WWOX: variants seen among roughly 807,000 people sequenced by gnomAD.
WWOX encodes the protein WW domain-containing oxidoreductase.
A neutral mutation model predicts 46.2 loss-of-function variants in WWOX; 69 were observed. The observed-to-expected ratio is 1.49, with a 90% CI of 1.23 to 1.82. The LOEUF is 1.82. Among genes scored for constraint, WWOX ranks in the 40% most tolerant of loss-of-function variants. The pLI, the probability that WWOX is intolerant of heterozygous loss-of-function variation, is 0.00. For synonymous variants in WWOX, 359 were observed against 202.6 expected (o/e 1.77, Z -6.56); for missense variants, 919 against 542.6 (o/e 1.69, Z -6.89).
intron 4 of WWOX, among the ~76,000 whole-genome samples, chr16:78,125,232 C>T (rs372346633): frequency 6.6e-6 from 1 of 152,108 alleles, no homozygotes; most frequent in South Asian, 2.1e-4. Context: ...GTGATAATGT[C>T]GAAAGGAAAG....
At chr16:78,793,359 C>T (rs1028849617) in intron 8 of WWOX, among the ~76,000 whole-genome samples, 1 of 152,188 alleles carries the variant, frequency 6.6e-6, no homozygotes, top group African/African-American at 2.4e-5. Context: ...CCATGCCAGG[C>T]CCCTGCCTCT....
chr16:78,608,807 G>A (rs1017181942), intron 8 of WWOX, among the ~76,000 whole-genome samples: 2 of 152,134 alleles, frequency 1.3e-5, no homozygotes, highest in Non-Finnish European at 2.9e-5. Context: ...TGAAGTATCT[G>A]TTCCCTCCCT....
chr16:78,367,445 G>C, intron 5 of WWOX, among the ~76,000 whole-genome samples: 1 of 151,900 alleles, frequency 6.6e-6, no homozygotes, highest in East Asian at 1.9e-4. Flanking sequence ...TATCATTAGG[G>C]TTAGTGTATT....
chr16:78,783,094 A>G (rs559110360), intron 8 of WWOX, among the ~76,000 whole-genome samples: 2 of 152,362 alleles, frequency 1.3e-5, no homozygotes, highest in South Asian at 4.1e-4. Context: ...ATGCACAAAA[A>G]TGAGCAGCTA....
chr16:79,152,209 C>T (rs1478834832), intron 8 of WWOX, among the ~76,000 whole-genome samples: 1 of 152,196 alleles, frequency 6.6e-6, no homozygotes, highest in African/African-American at 2.4e-5. Context: ...CCCTGAGGAG[C>T]GGGATTCGCT....
At chr16:78,853,550 T>G (rs1375318013) in intron 8 of WWOX, among the ~76,000 whole-genome samples, 1 of 152,226 alleles carries the variant, frequency 6.6e-6, no homozygotes, top group Admixed American at 6.5e-5. Context: ...TGCTCTCCAT[T>G]ACTCATGAAT....
At chr16:78,327,563 G>T (rs891296692) in intron 5 of WWOX, among the ~76,000 whole-genome samples, 2 of 152,048 alleles carry the variant, frequency 1.3e-5, no homozygotes, top group African/African-American at 4.8e-5. Context: ...CCAATCATTT[G>T]GGGTATTAGG....
At chr16:78,418,369 GAA>G (rs60427100) in intron 6 of WWOX, among the ~76,000 whole-genome samples, 3 of 127,684 alleles carry the variant, frequency 2.3e-5, no homozygotes, top group Admixed American at 8.0e-5. Context: ...CTCCATCTCA[GAA>G]AAAAAAAAAA....
chr16:78,398,990 G>T (rs1257994015), intron 6 of WWOX, among the ~76,000 whole-genome samples: 2 of 151,682 alleles, frequency 1.3e-5, no homozygotes, highest in East Asian at 3.9e-4. Context: ...GAAGAGGTAA[G>T]TACAAGGAAG....
At chr16:78,640,802 G>A (rs1052944678) in intron 8 of WWOX, among the ~76,000 whole-genome samples, 3 of 152,048 alleles carry the variant, frequency 2.0e-5, no homozygotes, top group African/African-American at 7.2e-5. Flanking sequence ...AGCCGGGCGT[G>A]GCAGTGTGTG....
chr16:78,982,236 C>G (rs1164227918), intron 8 of WWOX, among the ~76,000 whole-genome samples: 3 of 152,184 alleles, frequency 2.0e-5, no homozygotes, highest in Non-Finnish European at 4.4e-5. Context: ...TGCATTCCTT[C>G]CAACTGGTGT....
chr16:78,921,436 G>A (rs2045376470), intron 8 of WWOX, among the ~76,000 whole-genome samples: 1 of 152,186 alleles, frequency 6.6e-6, no homozygotes, highest in Non-Finnish European at 1.5e-5. Flanking sequence ...TGAAGCATTT[G>A]AGCTGCAAAA....
At chr16:79,065,718 C>T (rs765680351) in intron 8 of WWOX, among the ~76,000 whole-genome samples, 6 of 152,118 alleles carry the variant, frequency 3.9e-5, no homozygotes, top group African/African-American at 1.2e-4. Flanking sequence ...GGTTTCATTT[C>T]GGGAAAGGCT....
intron 5 of WWOX, among the ~76,000 whole-genome samples, chr16:78,254,318 C>G (rs903804351): frequency 2.0e-5 from 3 of 151,992 alleles, no homozygotes; most frequent in African/African-American, 7.2e-5. Context: ...CTCCTGGGCT[C>G]AAGCAATCCT....
intron 8 of WWOX, among the ~76,000 whole-genome samples, chr16:78,548,809 A>G (rs147938579): frequency 1.2e-3 from 185 of 152,316 alleles, no homozygotes; most frequent in African/African-American, 4.3e-3. Flanking sequence ...CTTCATTTCA[A>G]TATTTGCCTT....
chr16:78,319,085 A>G (rs2080412959), intron 5 of WWOX, among the ~76,000 whole-genome samples: 1 of 152,090 alleles, frequency 6.6e-6, no homozygotes, highest in South Asian at 2.1e-4. Context: ...GATTCCTAAA[A>G]GGGGGAGAGA....
intron 5 of WWOX, among the ~76,000 whole-genome samples, chr16:78,171,426 G>C (rs1037296377): frequency 4.6e-5 from 7 of 152,072 alleles, no homozygotes; most frequent in Non-Finnish European, 1.0e-4. Context: ...CCCATGATTT[G>C]CCTTTGTGGA....
chr16:78,730,111 C>T (rs1221826190), intron 8 of WWOX, among the ~76,000 whole-genome samples: 1 of 152,104 alleles, frequency 6.6e-6, no homozygotes, highest in South Asian at 2.1e-4. Flanking sequence ...GCTATAAACG[C>T]TTAAGGATTC....
intron 5 of WWOX, among the ~76,000 whole-genome samples, chr16:78,335,702 C>T (rs951828933): frequency 3.3e-5 from 5 of 152,110 alleles, no homozygotes; most frequent in South Asian, 2.1e-4. Context: ...TCACCCAATC[C>T]GAATTTTAAC....
Sources: gnomAD v4.1 joint callset for allele counts (sites outside exome capture counted in the v4.1 genomes callset) on GRCh38, gnomAD v4.1.1 for gene constraint, MANE v1.5 for transcripts, NCBI Gene and HGNC (gene_info 2026-07-23, HGNC 2026-07-21) for gene names.